Variants in PTK7 observed in about 807,000 individuals in gnomAD.
PTK7 encodes the protein protein tyrosine kinase 7 (inactive).
A neutral mutation model predicts 116.6 loss-of-function variants in PTK7; 39 were observed. The observed-to-expected ratio is 0.33, with a 90% CI of 0.26 to 0.44. PTK7 has a LOEUF of 0.44. Among genes scored for constraint, PTK7 ranks in the 20% least tolerant of loss-of-function variants. PTK7 has a pLI of 1.00. For missense variants in PTK7, 1,169 were observed against 1,425.6 expected (o/e 0.82, Z 2.90); for synonymous variants, 546 against 563.6 (o/e 0.97, Z 0.44).
At chr6:43,131,379 G>A (rs1178640560) in intron 5 of PTK7, among the ~76,000 whole-genome samples, 1 of 151,420 alleles carries the variant, frequency 6.6e-6, no homozygotes, top group East Asian at 1.9e-4. Context: ...TGGTTATTCT[G>A]TGTATTAGTC....
At position 43,130,412 on chromosome 6, in the gene PTK7, G is replaced by A. The variant is rs1561966104; in HGVS notation, c.653G>A (p.Ser218Asn). 6.2e-7 allele frequency: 1 copy of A among 1,606,202 alleles called. No homozygotes were observed. The highest frequency in any genetic ancestry group is 1.3e-5 in the African/African-American group (1 of 74,914). ...TGCAGCAGCCAGAACTTCACCTTGA[G>A]CATTGCTGGTGAGCCTGGGGTGGGG... Reference protein sequence around the residue: ...QACSSQNFTLSIADESFARVV... With the variant: ...QACSSQNFTLNIADESFARVV... Residue 218 changes from serine to asparagine, a missense_variant, in exon 4 of 20, where the codon AGC becomes AAC. Physicochemically the swap from Ser to Asn is conservative, Grantham distance 46. Transcript: ENST00000230419.
At chr6:43,138,488 C>T (rs11754211) in intron 7 of PTK7, 11,569 of 166,468 alleles carry the variant, frequency 0.069, 561 homozygotes, top group Non-Finnish European at 0.096. Flanking sequence ...TAGCAAGACC[C>T]CATCACTACA....
chr6:43,114,876 C>A (rs1388698646), intron 1 of PTK7, among the ~76,000 whole-genome samples: 3 of 151,976 alleles, frequency 2.0e-5, no homozygotes, highest in Admixed American at 1.3e-4. Context: ...CCTGTCTCTA[C>A]TAAAAATACA....
chr6:43,081,690 C>A (rs534060820), intron 1 of PTK7, among the ~76,000 whole-genome samples: 1 of 152,322 alleles, frequency 6.6e-6, no homozygotes, highest in Non-Finnish European at 1.5e-5. Flanking sequence ...CAGGCGTGAG[C>A]CACTGCACCC....
chr6:43,076,840 A>C lies in PTK7; in HGVS notation c.79+273A>C. 6.9e-7 allele frequency: 1 copy of C among 1,442,104 alleles called. No homozygotes were observed. The highest frequency in any genetic ancestry group is 9.1e-7 in the Non-Finnish European group (1 of 1,093,764). The allele number at this position is 1,442,104 out of a possible 1,614,324, so 89.3% of individuals were successfully genotyped here. A position where few individuals can be genotyped will look rare whatever the true frequency, so the allele number is the denominator to read the frequency against. ...CTGAGTTTTTCTGGTCTGAGCCGAG[A>C]GTTTGCTCGAGAACTGCCGAGAGTT... is the stretch of plus-strand genomic sequence containing the variant. On this transcript the variant is annotated intron_variant, in intron 1 of 19. Transcript: ENST00000230419. This position sits in a 1 kb window ranked among gnomAD's most constrained non-coding sequence, Gnocchi z 5.7.
intron 1 of PTK7, among the ~76,000 whole-genome samples, chr6:43,119,102 T>A (rs1176197021): frequency 1.3e-5 from 2 of 151,914 alleles, no homozygotes; most frequent in Non-Finnish European, 2.9e-5. Flanking sequence ...TTCCTTATTG[T>A]ATGGGATTGA....
At chr6:43,136,642 G>A (rs1770059713) in intron 7 of PTK7, among the ~76,000 whole-genome samples, 1 of 152,198 alleles carries the variant, frequency 6.6e-6, no homozygotes, top group Non-Finnish European at 1.5e-5. Context: ...AGTGGAAGCT[G>A]CAGTACTACC....
In PTK7 at chr6:43,143,170, G is replaced by A. The variant is rs1468197545; in HGVS notation, c.2048-247G>A. On this transcript the variant is annotated intron_variant, in intron 13 of 19. Transcript: ENST00000230419. This position sits in a 1 kb window ranked among gnomAD's most constrained non-coding sequence, Gnocchi z 4.2. ...AGCTCCTTGACAGGTGTGCTTATCC[G>A]TGTCGCCTGTCTTGGCTTCCGATGC... The A allele has an allele frequency of 1.2e-5, 6 of 485,124 alleles. No homozygotes were observed. Among genetic ancestry groups the A allele is most frequent in the Admixed American group, 7.4e-5 (2 of 27,170 alleles). 30.1% of individuals were successfully genotyped at this position (485,124 alleles called of 1,614,324 possible). A position where few individuals can be genotyped will look rare whatever the true frequency, so the allele number is the denominator to read the frequency against.
At chr6:43,103,738 G>T (rs1767709955) in intron 1 of PTK7, among the ~76,000 whole-genome samples, 1 of 152,146 alleles carries the variant, frequency 6.6e-6, no homozygotes, top group African/African-American at 2.4e-5. Flanking sequence ...TGGGTGCCTG[G>T]GGGCATGACT....
At position 43,129,122 on chromosome 6, in the gene PTK7, G is replaced by A. The variant is rs771401337; in HGVS notation, c.225G>A (p.Thr75=). 1.0e-4 allele frequency: 161 copies of A among 1,614,100 alleles called. No individual in the cohort carries two copies. Among genetic ancestry groups the A allele is most frequent in the Non-Finnish European group, 1.3e-4 (155 of 1,180,052 alleles). ...TCGATGGGGCCCCTGTCCAGGACACGGAGCGGCGTTTCGCCCAGGGCAGCA... is the reference window on the plus strand; with the variant it reads ...TCGATGGGGCCCCTGTCCAGGACACAGAGCGGCGTTTCGCCCAGGGCAGCA... ...WLLDGAPVQD[T]ERRFAQGSSL... Residue 75 remains threonine (T), a synonymous_variant, in exon 2 of 20, where the codon ACG becomes ACA. Coordinates refer to ENST00000230419, the MANE Select transcript of PTK7 (RefSeq NM_002821.5). The surrounding 1 kb of genome is among the most constrained non-coding windows in gnomAD (Gnocchi z 4.5).
chr6:43,121,315 G>C (rs1370540854), intron 1 of PTK7, among the ~76,000 whole-genome samples: 2 of 152,200 alleles, frequency 1.3e-5, no homozygotes, highest in Non-Finnish European at 2.9e-5. Flanking sequence ...TTTCACCGGA[G>C]ATGTAAGAGC....
At chr6:43,136,280 A>G (rs1262622620) in intron 7 of PTK7, among the ~76,000 whole-genome samples, 6 of 151,866 alleles carry the variant, frequency 4.0e-5, no homozygotes, top group Non-Finnish European at 7.4e-5. Flanking sequence ...GGTTGCAGTG[A>G]ACAGAGATCG....
intron 1 of PTK7, among the ~76,000 whole-genome samples, chr6:43,080,681 T>A (rs1766325909): frequency 6.6e-6 from 1 of 151,730 alleles, no homozygotes; most frequent in Admixed American, 6.6e-5. Context: ...GTGGCTCACA[T>A]CTGTAATCCC....
intron 6 of PTK7, 117 bp downstream of exon 6, chr6:43,132,281 G>T (rs1769734558): frequency 2.0e-6 from 3 of 1,503,242 alleles, no homozygotes; most frequent in Admixed American, 2.1e-5. Context: ...AGAAAAGGAT[G>T]CTGGGAGTAG....
intron 1 of PTK7, among the ~76,000 whole-genome samples, chr6:43,083,931 T>C (rs934054345): frequency 6.6e-6 from 1 of 151,072 alleles, no homozygotes; most frequent in African/African-American, 2.4e-5. Context: ...TTTCTCAAAT[T>C]AGAGTGGAGA....
intron 1 of PTK7, among the ~76,000 whole-genome samples, chr6:43,115,016 T>A (rs1412700916): frequency 1.3e-5 from 2 of 150,542 alleles, no homozygotes; most frequent in African/African-American, 4.9e-5. Flanking sequence ...CACTCCAGCC[T>A]GGGCAACAAG....
Position 43,129,583 on chromosome 6 carries a change from CCCCAG to C in PTK7, c.368-141_368-137del. On this transcript the variant is annotated intron_variant, in intron 2 of 19. Transcript: ENST00000230419. The surrounding 1 kb of genome is among the most constrained non-coding windows in gnomAD (Gnocchi z 4.5). The stretch of plus-strand genomic sequence containing the variant: ...GGCACTTAGTATCTGGTAACTGTAG[CCCCAG>C]CCTCAGCCTCCAGGGCTTCCTTGTG... 1 of 746,074 alleles carries C rather than the reference CCCCAG, an allele frequency of 1.3e-6. No individual in the cohort carries two copies. Among genetic ancestry groups the C allele is most frequent in the South Asian group, 1.8e-5 (1 of 56,762 alleles). 46.2% of individuals were successfully genotyped at this position (746,074 alleles called of 1,614,324 possible). A position where few individuals can be genotyped will look rare whatever the true frequency, so the allele number is the denominator to read the frequency against.
chr6:43,118,636 T>C (rs1296165632), intron 1 of PTK7, among the ~76,000 whole-genome samples: 2 of 78,544 alleles, frequency 2.5e-5, no homozygotes, highest in East Asian at 3.2e-4. Flanking sequence ...TCTCTCTCTC[T>C]CTCTCTCTCT....
chr6:43,129,568 A>G lies in PTK7; in HGVS notation c.368-159A>G, dbSNP rs897926688. Reference sequence around the variant, plus strand: ...GCCAGGGACCAGGCAGGCACTTAGTATCTGGTAACTGTAGCCCCAGCCTCA... The same window carrying G: ...GCCAGGGACCAGGCAGGCACTTAGTGTCTGGTAACTGTAGCCCCAGCCTCA... On this transcript the variant is annotated intron_variant, in intron 2 of 19. Transcript: ENST00000230419. The surrounding 1 kb of genome is among the most constrained non-coding windows in gnomAD (Gnocchi z 4.5). 4.3e-6 allele frequency: 3 copies of G among 697,066 alleles called. No homozygotes were observed. Among genetic ancestry groups the G allele is most frequent in the Non-Finnish European group, 7.2e-6 (3 of 418,460 alleles). 43.2% of individuals were successfully genotyped at this position (697,066 alleles called of 1,614,324 possible).
Sources: gnomAD v4.1 joint callset for allele counts (sites outside exome capture counted in the v4.1 genomes callset) on GRCh38, gnomAD v4.1.1 for gene constraint, Gnocchi (gnomAD v3.1) non-coding constraint, MANE v1.5 for transcripts, NCBI Gene and HGNC (gene_info 2026-07-23, HGNC 2026-07-21) for gene names.